The following GRK3 variants were observed in gnomAD, a reference collection of about 807,000 sequenced individuals.
GRK3 encodes G protein-coupled receptor kinase 3.
GRK3 carries 54 observed loss-of-function variants against 95.7 expected under a neutral mutation model. The ratio of observed to expected loss-of-function variants is 0.56; its 90% CI spans 0.45 to 0.71. The LOEUF (loss-of-function observed/expected upper bound fraction) is 0.71. Among genes scored for constraint, GRK3 ranks in the 30% least tolerant of loss-of-function variants. The pLI, the probability that GRK3 is intolerant of heterozygous loss-of-function variation, is 0.00. For synonymous variants in GRK3, 281 were observed against 290.8 expected, an observed-to-expected ratio of 0.97 and a Z score of 0.34; for missense variants, 649 against 851.2, an observed-to-expected ratio of 0.76 and a Z score of 2.96.
At chr22:25,646,848 C>G (rs2084786278) in intron 3 of GRK3, among the ~76,000 whole-genome samples, 1 of 151,902 alleles carries the variant, frequency 6.6e-6, no homozygotes, top group African/African-American at 2.4e-5. Context: ...TGGTGAAACC[C>G]TGTCTCTACT....
At chr22:25,706,989 CT>C (rs1262183126) in intron 15 of GRK3, among the ~76,000 whole-genome samples, 240 of 145,220 alleles carry the variant, frequency 1.7e-3, no homozygotes, top group South Asian at 2.4e-3. Flanking sequence ...GCCTGGCTAA[CT>C]TTTTTTTTTT....
intron 16 of GRK3, 40 bp from the exon 17 acceptor site, chr22:25,711,028 A>T (rs1568938982): frequency 7.4e-7 from 1 of 1,345,728 alleles, no homozygotes; most frequent in Non-Finnish European, 1.1e-6. Context: ...GGGCCATACG[A>T]TCATCTGAAA....
chr22:25,674,171 G>A (rs1168910199), intron 7 of GRK3, among the ~76,000 whole-genome samples: 1 of 152,150 alleles, frequency 6.6e-6, no homozygotes, highest in Non-Finnish European at 1.5e-5. Context: ...TGGAGAAACA[G>A]TTCGGCTTGG....
intron 1 of GRK3, among the ~76,000 whole-genome samples, chr22:25,593,878 T>G (rs964905532): frequency 6.6e-6 from 1 of 152,174 alleles, no homozygotes; most frequent in African/African-American, 2.4e-5. Flanking sequence ...TCTCTCTTAT[T>G]TTTGTTGACT....
chr22:25,708,425 C>T lies in GRK3; in HGVS notation c.1329-1473C>T, dbSNP rs2085317241. Among the ~76,000 whole-genome samples the T allele has an allele frequency of 2.6e-5, 4 of 152,018 alleles. No homozygotes were observed. In the South Asian group the frequency reaches 8.3e-4, roughly 32 times the overall value. ...GCCCTGCCTGCATCCTCTGAGTGGGCTGGGGAGTAGGAGTGTCCTGGAACA... is the reference window on the plus strand; with the variant it reads ...GCCCTGCCTGCATCCTCTGAGTGGGTTGGGGAGTAGGAGTGTCCTGGAACA... On this transcript the variant is annotated intron_variant, in intron 15 of 20. Coordinates refer to ENST00000324198, the MANE Select transcript of GRK3 (RefSeq NM_005160.4).
chr22:25,690,110 AG>A (rs775731154), intron 11 of GRK3, 78 bp from the exon 12 acceptor site: 53 of 942,080 alleles, frequency 5.6e-5, no homozygotes, highest in East Asian at 2.7e-4. Context: ...GTGAGATATC[AG>A]GTGTCTGCAC....
chr22:25,685,007 A>G (rs2085101709), intron 9 of GRK3, among the ~76,000 whole-genome samples, 163 bp from the exon 10 acceptor site: 1 of 152,228 alleles, frequency 6.6e-6, no homozygotes, highest in South Asian at 2.1e-4. Context: ...TACAACATAG[A>G]TATGTGTCAA....
At chr22:25,631,731 T>G (rs2084665659) in intron 2 of GRK3, among the ~76,000 whole-genome samples, 1 of 152,210 alleles carries the variant, frequency 6.6e-6, no homozygotes, top group Non-Finnish European at 1.5e-5. Context: ...CTGGTGACCC[T>G]TCGTAGTCAA....
At chr22:25,654,386 C>G (rs1462778875) in intron 3 of GRK3, among the ~76,000 whole-genome samples, 1 of 151,974 alleles carries the variant, frequency 6.6e-6, no homozygotes, top group Admixed American at 6.5e-5. Context: ...TCTTTTCTTT[C>G]TCATTTATAT....
chr22:25,624,416 T>C (rs2084611536), intron 2 of GRK3, among the ~76,000 whole-genome samples: 1 of 151,944 alleles, frequency 6.6e-6, no homozygotes, highest in South Asian at 2.1e-4. Context: ...ACAAAAAAAT[T>C]AGCTGGGTGT....
At chr22:25,648,959 G>T in intron 3 of GRK3, 1 of 943,110 alleles carries the variant, frequency 1.1e-6, no homozygotes, top group African/African-American at 1.6e-5. Context: ...TTACAATAAA[G>T]TCTGGTGTCT....
Position 25,704,153 on chromosome 22 carries a change from T to G in GRK3, c.1272T>G (p.Leu424=). The G allele has an allele frequency of 6.2e-7, 1 of 1,613,878 alleles. No homozygotes were observed. The highest frequency in any genetic ancestry group is 8.5e-7 in the Non-Finnish European group (1 of 1,179,868). ...PDTFSPELKS[L]LEGLLQRDVS... ...CCTTCTCTCCTGAACTGAAGTCCCTTTTGGAGGGCTTGCTTCAGCGAGACG... is the reference window on the plus strand; with the variant it reads ...CCTTCTCTCCTGAACTGAAGTCCCTGTTGGAGGGCTTGCTTCAGCGAGACG... Residue 424 remains leucine (L), a synonymous_variant, in exon 15 of 21, where the codon CTT becomes CTG. Transcript: ENST00000324198.
chr22:25,584,494 T>TA (rs1425472968), intron 1 of GRK3, among the ~76,000 whole-genome samples: 2 of 152,224 alleles, frequency 1.3e-5, no homozygotes, highest in African/African-American at 4.8e-5. Flanking sequence ...GCAGTTCAGA[T>TA]ATGCCAAAGG....
intron 1 of GRK3, among the ~76,000 whole-genome samples, chr22:25,603,988 TTGA>T (rs1372653643): frequency 3.3e-5 from 5 of 152,170 alleles, no homozygotes; most frequent in Admixed American, 3.3e-4. Context: ...AGCTCATTTA[TTGA>T]TGAGCAGAAT....
chr22:25,671,707 G>A (rs1193901317), intron 6 of GRK3, among the ~76,000 whole-genome samples: 1 of 152,232 alleles, frequency 6.6e-6, no homozygotes, highest in African/African-American at 2.4e-5. Context: ...GTCTGTAGGA[G>A]GAATACATGA....
intron 10 of GRK3, among the ~76,000 whole-genome samples, chr22:25,687,134 GTTTGTTTT>G (rs2085121815): frequency 3.4e-5 from 5 of 148,398 alleles, no homozygotes; most frequent in African/African-American, 1.3e-4. Context: ...TTTTTTTTTT[GTTTGTTTT>G]TTTGTTTTTT....
At chr22:25,711,234 AG>A in intron 17 of GRK3, 71 bp downstream of exon 17, 1 of 1,062,266 alleles carries the variant, frequency 9.4e-7, no homozygotes, top group Non-Finnish European at 1.4e-6. Flanking sequence ...AATCAAACTT[AG>A]TGGTTGTTTT....
At chr22:25,714,284 C>A in intron 17 of GRK3, 124 bp from the exon 18 acceptor site, 1 of 732,268 alleles carries the variant, frequency 1.4e-6, no homozygotes, top group Non-Finnish European at 2.2e-6. Context: ...GAAATGATTA[C>A]TGCTGCCATC....
chr22:25,703,447 T>A, intron 13 of GRK3, 63 bp from the exon 14 acceptor site: 1 of 1,247,366 alleles, frequency 8.0e-7, no homozygotes, highest in Non-Finnish European at 1.2e-6. Context: ...CAAATATTAG[T>A]CAGTGATATG....
Sources: gnomAD v4.1 joint callset for allele counts (sites outside exome capture counted in the v4.1 genomes callset) on GRCh38, gnomAD v4.1.1 for gene constraint, MANE v1.5 for transcripts, NCBI Gene and HGNC (gene_info 2026-07-23, HGNC 2026-07-21) for gene names.